Variants in ECD observed in about 807,000 individuals in gnomAD.
ECD encodes ecdysoneless cell cycle regulator.
A neutral mutation model predicts 77.2 loss-of-function variants in ECD; 59 were observed. The ratio of observed to expected loss-of-function variants is 0.76; its 90% CI spans 0.62 to 0.95. The LOEUF (loss-of-function observed/expected upper bound fraction) is 0.95, where lower values mean the gene tolerates loss of function less well. Among genes scored for constraint, ECD ranks in the 40% least tolerant of loss-of-function variants. ECD has a pLI of 0.00. For missense variants in ECD, 704 were observed against 763.4 expected (o/e 0.92, Z 0.92); for synonymous variants, 233 against 267.4 (o/e 0.87, Z 1.26).
intron 7 of ECD, among the ~76,000 whole-genome samples, chr10:73,149,928 G>A (rs1363654216): frequency 6.6e-6 from 1 of 151,544 alleles, no homozygotes; most frequent in Non-Finnish European, 1.5e-5. Context: ...AATCAATATC[G>A]TAAAAATGGC....
intron 9 of ECD, among the ~76,000 whole-genome samples, chr10:73,142,779 T>C (rs1480139775): frequency 2.0e-5 from 3 of 152,190 alleles, no homozygotes; most frequent in African/African-American, 7.2e-5. Flanking sequence ...TCTGTATGTA[T>C]ATATATTTCT....
intron 3 of ECD, among the ~76,000 whole-genome samples, chr10:73,157,118 C>A (rs1345706276): frequency 1.3e-5 from 2 of 151,438 alleles, no homozygotes; most frequent in African/African-American, 4.9e-5. Context: ...GGTATGATCT[C>A]GGCTCACTGC....
chr10:73,136,868 C>G lies in ECD; in HGVS notation c.1540G>C (p.Glu514Gln). The stretch of plus-strand genomic sequence containing the variant: ...AAGTCATCATCACTATCTAAACATT[C>G]AAAGTCTTCATCATCCAGATCATCA... ...DSDDLDDEDF[E>Q]CLDSDDDLDF... The change falls in exon 13 of 14, where the codon GAA (glutamate) becomes CAA (glutamine). Residue 514 changes from glutamate to glutamine, a missense_variant. Coordinates refer to ENST00000372979, the MANE Select transcript of ECD (RefSeq NM_007265.3). The G allele has an allele frequency of 7.4e-6, 12 of 1,614,000 alleles. No homozygotes were observed. Among genetic ancestry groups the G allele is most frequent in the Non-Finnish European group, 1.0e-5 (12 of 1,179,992 alleles).
chr10:73,162,698 A>T (rs1245597634), intron 2 of ECD, among the ~76,000 whole-genome samples: 1 of 152,104 alleles, frequency 6.6e-6, no homozygotes, highest in Non-Finnish European at 1.5e-5. Context: ...CCCAAATAAG[A>T]CCTCACATAA....
chr10:73,138,115 A>G, intron 11 of ECD, 45 bp from the exon 12 acceptor site: 2 of 1,402,640 alleles, frequency 1.4e-6, no homozygotes, highest in Admixed American at 2.7e-5. Flanking sequence ...TCTAAATACA[A>G]CTCTTTGAAA....
rs779093362 is a variant in ECD at position 73,146,378 on chromosome 10, G to T, written c.1042-17C>A. On this transcript the variant is annotated splice_polypyrimidine_tract_variant and intron_variant, in intron 8 of 13. Transcript: ENST00000372979. ...TATCAGTCCCTTAAAAAAAAAAAAA[G>T]GTCTATCAGAACATTACTCACAAGT... The T allele has an allele frequency of 3.8e-6, 5 of 1,309,388 alleles. No individual in the cohort carries two copies. The Admixed American group carries it at 6.0e-5, about 16-fold the overall frequency. The allele number at this position is 1,309,388 out of a possible 1,614,324, so 81.1% of individuals were successfully genotyped here. A position where few individuals can be genotyped will look rare whatever the true frequency, so the allele number is the denominator to read the frequency against.
Position 73,161,488 on chromosome 10 carries a change from G to A in ECD, c.206-937C>T, listed in dbSNP as rs147971378. ...TGACAAATTCCTAGAAACACAACCT[G>A]TCAAGACTGGATCATGAGAAATACA... On this transcript the variant is annotated intron_variant, in intron 2 of 13. Coordinates refer to ENST00000372979, the MANE Select transcript of ECD (RefSeq NM_007265.3). 9.7e-4 allele frequency among the ~76,000 whole-genome samples: 147 copies of A among 152,250 alleles called. 1 individual carries two copies. In the Middle Eastern group the frequency reaches 0.017, roughly 18 times the overall value.
At chr10:73,161,125 T>C (rs1410187614) in intron 2 of ECD, among the ~76,000 whole-genome samples, 1 of 151,960 alleles carries the variant, frequency 6.6e-6, no homozygotes, top group Non-Finnish European at 1.5e-5. Context: ...AAAAGGAAGT[T>C]TGTAGTTGTG....
chr10:73,140,842 C>A (rs1032102452), intron 9 of ECD, among the ~76,000 whole-genome samples: 12 of 150,956 alleles, frequency 7.9e-5, no homozygotes, highest in East Asian at 1.9e-4. Context: ...GGGTCTCTCT[C>A]TATATATGTA....
At chr10:73,149,369 A>T (rs1468558720) in intron 7 of ECD, among the ~76,000 whole-genome samples, 1 of 152,208 alleles carries the variant, frequency 6.6e-6, no homozygotes, top group Non-Finnish European at 1.5e-5. Flanking sequence ...GTGTGAAAGC[A>T]ATATGCATTC....
chr10:73,140,393 T>C (rs1303526222), intron 9 of ECD, among the ~76,000 whole-genome samples: 1 of 151,800 alleles, frequency 6.6e-6, no homozygotes, highest in African/African-American at 2.4e-5. Flanking sequence ...TGGCCTTCAT[T>C]AAAGTGGAGG....
At chr10:73,142,600 C>T (rs968107631) in intron 9 of ECD, among the ~76,000 whole-genome samples, 8 of 146,382 alleles carry the variant, frequency 5.5e-5, no homozygotes, top group African/African-American at 2.0e-4. Context: ...TGCCACTACA[C>T]TCCAGCCTGG....
At chr10:73,159,040 T>C (rs1376200847) in intron 3 of ECD, among the ~76,000 whole-genome samples, 1 of 152,244 alleles carries the variant, frequency 6.6e-6, no homozygotes, top group Non-Finnish European at 1.5e-5. Flanking sequence ...TGGTAATTGT[T>C]GAAGCTGGAT....
chr10:73,154,803 A>T (rs746472239), intron 5 of ECD, among the ~76,000 whole-genome samples: 1 of 151,792 alleles, frequency 6.6e-6, no homozygotes, highest in Non-Finnish European at 1.5e-5. Flanking sequence ...GCGTGGTGGC[A>T]TACGCCTGTA....
At chr10:73,137,762 C>T (rs540905956) in intron 12 of ECD, among the ~76,000 whole-genome samples, 108 of 142,628 alleles carry the variant, frequency 7.6e-4, no homozygotes, top group African/African-American at 8.4e-4. Flanking sequence ...GGCAACAGAG[C>T]GAGACACTGT....
In ECD at chr10:73,167,828, C is replaced by T. The variant is rs1351455967; in HGVS notation, c.-14+38G>A. ...GTGCTCTTTCCCCAGTCTAGGCTCCCTCCTGCCATCTAACAAAATGAAGCC... is the reference window on the plus strand; with the variant it reads ...GTGCTCTTTCCCCAGTCTAGGCTCCTTCCTGCCATCTAACAAAATGAAGCC... On this transcript the variant is annotated intron_variant, in intron 1 of 13. Transcript: ENST00000372979. The T allele has an allele frequency of 2.5e-5, 4 of 162,794 alleles. No homozygotes were observed. The Admixed American group carries it at 2.5e-4, about 10-fold the overall frequency. The allele number at this position is 162,794 out of a possible 1,614,324, so 10.1% of individuals were successfully genotyped here. A position where few individuals can be genotyped will look rare whatever the true frequency, so the allele number is the denominator to read the frequency against.
chr10:73,166,297 T>C (rs1843460896), intron 1 of ECD, among the ~76,000 whole-genome samples: 1 of 152,220 alleles, frequency 6.6e-6, no homozygotes, highest in African/African-American at 2.4e-5. Flanking sequence ...GGAGTGCAGA[T>C]ATCTCTTTGA....
At chr10:73,164,106 C>A (rs979159524) in intron 1 of ECD, among the ~76,000 whole-genome samples, 156 bp from the exon 2 acceptor site, 1 of 152,054 alleles carries the variant, frequency 6.6e-6, no homozygotes. Flanking sequence ...GAGGCCGAGA[C>A]AGGCAGATCA....
rs371770780 is a variant in ECD, at chr10:73,154,309, G to T, written c.730C>A (p.Arg244=). The T allele has an allele frequency of 1.2e-6, 2 of 1,613,012 alleles. No homozygotes were observed. Among genetic ancestry groups the T allele is most frequent in the African/African-American group, 2.7e-5 (2 of 74,980 alleles). ...AFYLRDPIDL[R]ACRVFKTFLP... is the part of the protein sequence containing the mutation. Reference sequence around the variant, plus strand: ...AATGTCTTGAAAACACGACAAGCTCGCAGGTCAATAGGGTCTCGTAGGTAA... The same window carrying T: ...AATGTCTTGAAAACACGACAAGCTCTCAGGTCAATAGGGTCTCGTAGGTAA... Residue 244 remains arginine, a synonymous_variant, in exon 6 of 14, where the codon CGA becomes AGA. Coordinates refer to ENST00000372979, the MANE Select transcript of ECD (RefSeq NM_007265.3).
Sources: allele counts gnomAD v4.1 joint callset (sites outside exome capture counted in the v4.1 genomes callset), GRCh38; gene constraint gnomAD v4.1.1; transcripts MANE v1.5; gene names NCBI Gene and HGNC (gene_info 2026-07-23, HGNC 2026-07-21).